The following ANGPTL4 variants were observed in gnomAD, a reference collection of about 807,000 sequenced individuals.
ANGPTL4 encodes angiopoietin like 4.
ANGPTL4 carries 39 observed loss-of-function variants against 39.2 expected under a neutral mutation model. The observed-to-expected ratio is 1.00, with a 90% CI of 0.77 to 1.30. The LOEUF (loss-of-function observed/expected upper bound fraction) is 1.30. Ranked by LOEUF, ANGPTL4 falls within the 50% of genes most tolerant of loss-of-function variation. The pLI, the probability that ANGPTL4 is intolerant of heterozygous loss-of-function variation, is 0.00. For missense variants in ANGPTL4, 545 were observed against 549.8 expected, an observed-to-expected ratio of 0.99 and a Z score of 0.09; for synonymous variants, 233 against 229.5, an observed-to-expected ratio of 1.02 and a Z score of -0.14.
chr19:8,368,126 C>T (rs182975938), intron 3 of ANGPTL4, among the ~76,000 whole-genome samples: 27 of 149,640 alleles, frequency 1.8e-4, no homozygotes, highest in African/African-American at 5.7e-4. Context: ...TCAAGTGATT[C>T]TCCTGCCTCT....
Position 8,366,075 on chromosome 19 carries a change from G to T in ANGPTL4, c.429+11G>T, listed in dbSNP as rs181710838. 5.0e-6 allele frequency: 8 copies of T among 1,613,646 alleles called. No homozygotes were observed. Among genetic ancestry groups the T allele is most frequent in the Non-Finnish European group, 5.9e-6 (7 of 1,179,618 alleles). On this transcript the variant is annotated intron_variant, in intron 2 of 6. Transcript: ENST00000301455. ...CATCTGCAAAGCCAGGTAACCCTAGGATCAAGGGAGAAAAGGTCCCTCTGA... is the reference window on the plus strand; with the variant it reads ...CATCTGCAAAGCCAGGTAACCCTAGTATCAAGGGAGAAAAGGTCCCTCTGA...
chr19:8,367,556 G>GC (rs1568216048), intron 3 of ANGPTL4, among the ~76,000 whole-genome samples: 1 of 152,138 alleles, frequency 6.6e-6, no homozygotes, highest in Non-Finnish European at 1.5e-5. Context: ...CTCTGGGCCC[G>GC]CCCCCACCCC....
chr19:8,365,968 T>C lies in ANGPTL4; in HGVS notation c.333T>C (p.Ala111=), dbSNP rs1345200124. Reference sequence around the variant, plus strand: ...CCCCTCCCCAGACACAACTCAAGGCTCAGAACAGCAGGATCCAGCAACTCT... The same window carrying C: ...CCCCTCCCCAGACACAACTCAAGGCCCAGAACAGCAGGATCCAGCAACTCT... ...VLHSLQTQLK[A]QNSRIQQLFH... Residue 111 remains alanine (A), a synonymous_variant, in exon 2 of 7, where the codon GCT becomes GCC. Transcript: ENST00000301455. 1.9e-6 allele frequency: 3 copies of C among 1,613,692 alleles called. No individual in the cohort carries two copies. The highest frequency in any genetic ancestry group is 2.5e-6 in the Non-Finnish European group (3 of 1,179,990).
chr19:8,366,435 C>T, intron 3 of ANGPTL4, 116 bp downstream of exon 3: 2 of 1,159,452 alleles, frequency 1.7e-6, no homozygotes, highest in South Asian at 2.6e-5. Flanking sequence ...CCTGGAGTCC[C>T]TGAGGGCTCA....
rs866346299 is a variant in ANGPTL4 at position 8,371,540 on chromosome 19, T to G, written c.1039+18T>G. ...CCTCTCTGGTGAGCAGGCCCTGCCA[T>G]GCCACACCCAGCCAGCAGCTTCCCT... On this transcript the variant is annotated intron_variant, in intron 6 of 6. Transcript: ENST00000301455. This position sits in a 1 kb window ranked among gnomAD's most constrained non-coding sequence, Gnocchi z 5.1. 4.3e-6 allele frequency: 7 copies of G among 1,612,844 alleles called. No homozygotes were observed. The Middle Eastern group carries it at 9.9e-4, about 228-fold the overall frequency.
intron 3 of ANGPTL4, among the ~76,000 whole-genome samples, chr19:8,367,195 C>T (rs968742031): frequency 5.9e-5 from 9 of 152,192 alleles, no homozygotes; most frequent in African/African-American, 1.7e-4. Context: ...TTCCCACCTC[C>T]GTGCTGCCCG....
chr19:8,366,074 G>C lies in ANGPTL4; in HGVS notation c.429+10G>C, dbSNP rs777171576. On this transcript the variant is annotated intron_variant, in intron 2 of 6. Transcript: ENST00000301455. ...GCATCTGCAAAGCCAGGTAACCCTAGGATCAAGGGAGAAAAGGTCCCTCTG... is the reference window on the plus strand; with the variant it reads ...GCATCTGCAAAGCCAGGTAACCCTACGATCAAGGGAGAAAAGGTCCCTCTG... 3.7e-6 allele frequency: 6 copies of C among 1,613,658 alleles called. No homozygotes were observed. The highest frequency in any genetic ancestry group is 8.5e-7 in the Non-Finnish European group (1 of 1,179,654).
chr19:8,371,196 C>G lies in ANGPTL4; in HGVS notation c.757+45C>G. 6.2e-7 allele frequency: 1 copy of G among 1,614,076 alleles called. No homozygotes were observed. The highest frequency in any genetic ancestry group is 8.5e-7 in the Non-Finnish European group (1 of 1,180,012). ...ACAGAGGCAGGGGAGGAAGAGGGACCCTCAGAAGTGGCCCTGCCTCATGGA... is the reference window on the plus strand; with the variant it reads ...ACAGAGGCAGGGGAGGAAGAGGGACGCTCAGAAGTGGCCCTGCCTCATGGA... On this transcript the variant is annotated intron_variant, in intron 5 of 6. Transcript: ENST00000301455. This position sits in a 1 kb window ranked among gnomAD's most constrained non-coding sequence, Gnocchi z 5.1.
Position 8,366,318 on chromosome 19 carries a change from C to T in ANGPTL4, c.546C>T (p.His182=), listed in dbSNP as rs753793844. 3 of 1,613,430 alleles carry T rather than the reference C, an allele frequency of 1.9e-6. No individual in the cohort carries two copies. Among genetic ancestry groups the T allele is most frequent in the Non-Finnish European group, 2.5e-6 (3 of 1,179,932 alleles). The change falls in exon 3 of 7, where the codon CAC becomes CAT. Residue 182 remains histidine, a splice_region_variant and synonymous_variant. Transcript: ENST00000301455. ...VDPAHNVSRL[H]RLPRDCQELF... is the part of the protein sequence containing the mutation. ...CGGCTCACAATGTCAGCCGCCTGCA[C>T]CGTGAGTGTCTGCCCCTCGATGCTC...
intron 6 of ANGPTL4, among the ~76,000 whole-genome samples, chr19:8,372,038 G>A (rs1460511937): frequency 1.3e-5 from 2 of 151,590 alleles, no homozygotes; most frequent in African/African-American, 4.9e-5. Flanking sequence ...GATTACAGGC[G>A]TGAGCCACCG....
In ANGPTL4 at chr19:8,365,122, T is replaced by TCGCC. The variant is rs568147306; in HGVS notation, c.318+486_318+487insCCGC. Among the ~76,000 whole-genome samples the TCGCC allele has an allele frequency of 5.0e-3, 747 of 149,974 alleles. 9 individuals are homozygous for TCGCC. The highest frequency in any genetic ancestry group is 7.0e-3 in the Non-Finnish European group (476 of 67,550). ...AGGCAGAGGTTGCAGTGAGCCGAGATCGCAGCACTGCACTCCAGCCTGGGC... is the reference window on the plus strand; with the variant it reads ...AGGCAGAGGTTGCAGTGAGCCGAGATCGCCCGCAGCACTGCACTCCAGCCTGGGC... On this transcript the variant is annotated intron_variant, in intron 1 of 6. Transcript: ENST00000301455.
chr19:8,368,752 G>A (rs574286276), intron 3 of ANGPTL4, among the ~76,000 whole-genome samples: 14 of 152,292 alleles, frequency 9.2e-5, no homozygotes, highest in African/African-American at 3.4e-4. Flanking sequence ...CAGCTGCTCC[G>A]GAGGCTGCGG....
rs1186849741 is a variant in ANGPTL4, at chr19:8,370,174, G to C, written c.661+842G>C. On this transcript the variant is annotated intron_variant, in intron 4 of 6. Transcript: ENST00000301455. ...GCTGAGATGACGCCACCGCACTCCA[G>C]CCTGGGCGACAGAGCGAGACTCCGT... Among the ~76,000 whole-genome samples the C allele has an allele frequency of 2.0e-5, 3 of 151,148 alleles. No individual in the cohort carries two copies. In the East Asian group the frequency reaches 5.8e-4, roughly 29 times the overall value.
At chr19:8,368,021 A>C in intron 3 of ANGPTL4, among the ~76,000 whole-genome samples, 1 of 76,938 alleles carries the variant, frequency 1.3e-5, no homozygotes, top group Non-Finnish European at 2.7e-5. Flanking sequence ...TCATTTATCA[A>C]GTCTTTTTTT....
intron 1 of ANGPTL4, among the ~76,000 whole-genome samples, chr19:8,365,494 T>A (rs556409219): frequency 1.4e-5 from 2 of 146,336 alleles, no homozygotes; most frequent in African/African-American, 5.1e-5. Context: ...ATAATAATAA[T>A]AAATAAAATA....
chr19:8,371,601 C>T lies in ANGPTL4; in HGVS notation c.1039+79C>T. ...CTGCTGCTCTGTCCTGCCTTCAACC[C>T]CACATTGCATCTGTTTCCTGCCCCC... is the stretch of plus-strand genomic sequence containing the variant. On this transcript the variant is annotated intron_variant, in intron 6 of 6. Transcript: ENST00000301455. This position sits in a 1 kb window ranked among gnomAD's most constrained non-coding sequence, Gnocchi z 5.1. 6.3e-7 allele frequency: 1 copy of T among 1,582,530 alleles called. No individual in the cohort carries two copies. Among genetic ancestry groups the T allele is most frequent in the Non-Finnish European group, 8.6e-7 (1 of 1,165,156 alleles).
Position 8,371,599 on chromosome 19 carries a change from C to T in ANGPTL4, c.1039+77C>T, listed in dbSNP as rs939182272. The T allele has an allele frequency of 2.5e-5, 39 of 1,584,310 alleles. No homozygotes were observed. The African/African-American group carries it at 5.0e-4, about 20-fold the overall frequency. ...TTCTGCTGCTCTGTCCTGCCTTCAA[C>T]CCCACATTGCATCTGTTTCCTGCCC... On this transcript the variant is annotated intron_variant, in intron 6 of 6. Coordinates refer to ENST00000301455, the MANE Select transcript of ANGPTL4 (RefSeq NM_139314.3). This position sits in a 1 kb window ranked among gnomAD's most constrained non-coding sequence, Gnocchi z 5.1.
chr19:8,373,114 C>T (rs1177064298), intron 6 of ANGPTL4, among the ~76,000 whole-genome samples: 1 of 151,686 alleles, frequency 6.6e-6, no homozygotes, highest in Non-Finnish European at 1.5e-5. Flanking sequence ...ACTAAAAATA[C>T]AAAAATTAGG....
rs1971121095 is a variant in ANGPTL4, at chr19:8,371,523, G to C, written c.1039+1G>C. 1 of 1,612,730 alleles carries C rather than the reference G, an allele frequency of 6.2e-7. No individual in the cohort carries two copies. Among genetic ancestry groups the C allele is most frequent in the Non-Finnish European group, 8.5e-7 (1 of 1,179,998 alleles). On this transcript the variant is annotated splice_donor_variant, in intron 6 of 6. Transcript: ENST00000301455. LOFTEE classifies it high-confidence loss of function. The surrounding 1 kb of genome is among the most constrained non-coding windows in gnomAD (Gnocchi z 5.1). Reference sequence around the variant, plus strand: ...AAGAACTGCGCCAAGAGCCTCTCTGGTGAGCAGGCCCTGCCATGCCACACC... The same window carrying C: ...AAGAACTGCGCCAAGAGCCTCTCTGCTGAGCAGGCCCTGCCATGCCACACC...
Sources: gnomAD v4.1 joint callset for allele counts (sites outside exome capture counted in the v4.1 genomes callset) on GRCh38, gnomAD v4.1.1 for gene constraint, Gnocchi (gnomAD v3.1) non-coding constraint, MANE v1.5 for transcripts, NCBI Gene and HGNC (gene_info 2026-07-23, HGNC 2026-07-21) for gene names.